The following CDK5RAP2 variants were observed in gnomAD, a reference collection of about 807,000 sequenced individuals.
CDK5RAP2 encodes the protein CDK5 regulatory subunit-associated protein 2.
Under a neutral mutation model 232.9 loss-of-function variants are expected in CDK5RAP2, and 147 were observed. The ratio of observed to expected loss-of-function variants is 0.63; its 90% CI spans 0.55 to 0.72. CDK5RAP2 has a LOEUF of 0.72. Ranked by LOEUF, CDK5RAP2 falls within the 30% of genes least tolerant of loss-of-function variation. CDK5RAP2 has a pLI of 0.00. For missense variants in CDK5RAP2, 2,195 were observed against 2,231.5 expected, an observed-to-expected ratio of 0.98 and a Z score of 0.33; for synonymous variants, 833 against 833.7, an observed-to-expected ratio of 1.00 and a Z score of 0.01.
chr9:120,450,907 A>T (rs2036447272), intron 21 of CDK5RAP2, among the ~76,000 whole-genome samples: 1 of 152,316 alleles, frequency 6.6e-6, no homozygotes, highest in Middle Eastern at 3.4e-3. Flanking sequence ...AATTCCAGGT[A>T]AGAGGAGAGA....
At chr9:120,462,766 A>G (rs1186202376) in intron 18 of CDK5RAP2, among the ~76,000 whole-genome samples, 2 of 152,250 alleles carry the variant, frequency 1.3e-5, no homozygotes, top group Non-Finnish European at 2.9e-5. Context: ...AACAGAGGAC[A>G]TGCAGGCTCT....
At chr9:120,459,808 C>T (rs2036981648) in intron 19 of CDK5RAP2, among the ~76,000 whole-genome samples, 1 of 152,194 alleles carries the variant, frequency 6.6e-6, no homozygotes, top group South Asian at 2.1e-4. Flanking sequence ...AAACTATCTA[C>T]ATTTTAAGAT....
chr9:120,571,796 G>C (rs1025882944), intron 2 of CDK5RAP2, 178 bp downstream of exon 2: 2 of 660,208 alleles, frequency 3.0e-6, no homozygotes, highest in African/African-American at 3.6e-5. Context: ...CTCTAGTCCA[G>C]TGTTTATGAA....
Position 120,443,639 on chromosome 9 carries a change from C to A in CDK5RAP2, c.3129G>T (p.Gln1043His). 1 of 1,614,140 alleles carries A rather than the reference C, an allele frequency of 6.2e-7. No individual in the cohort carries two copies. The highest frequency in any genetic ancestry group is 8.5e-7 in the Non-Finnish European group (1 of 1,180,010). ...TCTGACCAATCTCGTAGCTTCTTTG[C>A]TGATCACTGTCCATTTCCTTGTCTC... ...VWRDKEMDSD[Q>H]QRSYEIDSEI... Residue 1043 changes from glutamine (Q) to histidine (H), a missense_variant, in exon 23 of 38, where the codon CAG becomes CAT. Physicochemically the swap from Gln to His is conservative, Grantham distance 24. Transcript: ENST00000349780.
intron 13 of CDK5RAP2, among the ~76,000 whole-genome samples, chr9:120,488,498 A>C (rs184436043): frequency 2.0e-5 from 3 of 152,290 alleles, no homozygotes; most frequent in Admixed American, 1.3e-4. Context: ...CTCACCTCTC[A>C]AATCCCACTC....
intron 14 of CDK5RAP2, among the ~76,000 whole-genome samples, chr9:120,480,353 C>T (rs565933720): frequency 1.4e-4 from 21 of 152,266 alleles, no homozygotes; most frequent in African/African-American, 4.6e-4. Context: ...TTTAGCATTA[C>T]CTTCAATTAT....
chr9:120,515,683 C>A (rs971160884), intron 12 of CDK5RAP2, among the ~76,000 whole-genome samples: 1 of 152,072 alleles, frequency 6.6e-6, no homozygotes, highest in African/African-American at 2.4e-5. Flanking sequence ...TGGCCAGGTG[C>A]CAACCCCATC....
At chr9:120,512,587 G>A (rs576799644) in intron 12 of CDK5RAP2, among the ~76,000 whole-genome samples, 1 of 152,304 alleles carries the variant, frequency 6.6e-6, no homozygotes, top group South Asian at 2.1e-4. Context: ...TTGAAAAGCT[G>A]AAAATATACC....
chr9:120,445,910 C>G (rs117004557), intron 22 of CDK5RAP2, among the ~76,000 whole-genome samples: 1 of 152,210 alleles, frequency 6.6e-6, no homozygotes, highest in Admixed American at 6.5e-5. Context: ...ACAGGCATCT[C>G]GAGTATGTCC....
chr9:120,505,337 A>G (rs145163051), intron 12 of CDK5RAP2, among the ~76,000 whole-genome samples: 32 of 152,266 alleles, frequency 2.1e-4, no homozygotes, highest in African/African-American at 7.5e-4. Context: ...AAGACGGCAA[A>G]CTTAACGGAT....
chr9:120,552,981 C>T (rs2042100975), intron 3 of CDK5RAP2, among the ~76,000 whole-genome samples: 1 of 152,074 alleles, frequency 6.6e-6, no homozygotes, highest in African/African-American at 2.4e-5. Context: ...GTTCACTGTG[C>T]TATTTTGCAA....
At chr9:120,490,461 A>G (rs1381164821) in intron 13 of CDK5RAP2, among the ~76,000 whole-genome samples, 1 of 152,132 alleles carries the variant, frequency 6.6e-6, no homozygotes, top group African/African-American at 2.4e-5. Flanking sequence ...GGAGAGTGTC[A>G]CCTCTAACTG....
chr9:120,512,612 C>A (rs1406917573), intron 12 of CDK5RAP2, among the ~76,000 whole-genome samples: 1 of 152,130 alleles, frequency 6.6e-6, no homozygotes, highest in East Asian at 1.9e-4. Flanking sequence ...TTCCTTTCTG[C>A]CAAAAGCACA....
intron 12 of CDK5RAP2, among the ~76,000 whole-genome samples, chr9:120,510,073 C>G (rs941526008): frequency 2.0e-5 from 3 of 152,168 alleles, no homozygotes; most frequent in Non-Finnish European, 4.4e-5. Flanking sequence ...TGTAGAGACA[C>G]TGTCTCCAAA....
At chr9:120,481,122 G>A (rs115310144) in intron 14 of CDK5RAP2, among the ~76,000 whole-genome samples, 2,676 of 152,252 alleles carry the variant, frequency 0.018, 81 homozygotes, top group African/African-American at 0.061. Context: ...TCTTCACAAT[G>A]ACCCAATGTG....
At chr9:120,409,093 G>A (rs374566637) in intron 30 of CDK5RAP2, 34 bp downstream of exon 30, 36 of 1,602,022 alleles carry the variant, frequency 2.2e-5, no homozygotes, top group South Asian at 5.5e-5. Flanking sequence ...TGCGTGGTAC[G>A]GCCAGCAGGC....
intron 5 of CDK5RAP2, 147 bp from the exon 6 acceptor site, chr9:120,539,311 T>G: frequency 1.0e-6 from 1 of 999,778 alleles, no homozygotes; most frequent in Non-Finnish European, 1.5e-6. Flanking sequence ...TATTTATCAT[T>G]TAAAAACACA....
At chr9:120,557,828 A>G (rs912924978) in intron 3 of CDK5RAP2, among the ~76,000 whole-genome samples, 41 of 146,750 alleles carry the variant, frequency 2.8e-4, no homozygotes, top group African/African-American at 8.9e-4. Context: ...GCAGTGGTGC[A>G]ATCTCGGCTC....
intron 25 of CDK5RAP2, among the ~76,000 whole-genome samples, chr9:120,430,645 C>T (rs1326183916): frequency 1.3e-5 from 2 of 151,748 alleles, no homozygotes; most frequent in African/African-American, 4.8e-5. Context: ...GAAATAGGAA[C>T]ACTTTTACAC....
Sources: allele counts gnomAD v4.1 joint callset (sites outside exome capture counted in the v4.1 genomes callset), GRCh38; gene constraint gnomAD v4.1.1; transcripts MANE v1.5; gene names NCBI Gene and HGNC (gene_info 2026-07-23, HGNC 2026-07-21).